Variants in PLCH1 observed in about 807,000 individuals in gnomAD.
PLCH1 encodes the protein phospholipase C eta 1.
PLCH1 carries 60 observed loss-of-function variants against 126.7 expected under a neutral mutation model. The observed-to-expected ratio is 0.47, with a 90% CI of 0.38 to 0.59. The LOEUF (loss-of-function observed/expected upper bound fraction) is 0.59, where lower values mean the gene tolerates loss of function less well. Among genes scored for constraint, PLCH1 ranks in the 20% least tolerant of loss-of-function variants. The pLI, the probability that PLCH1 is intolerant of heterozygous loss-of-function variation, is 0.00. For synonymous variants in PLCH1, 719 were observed against 734.9 expected (o/e 0.98, Z 0.35); for missense variants, 1,723 against 2,040.0 (o/e 0.84, Z 2.99).
chr3:155,569,313 T>C (rs1370659941), intron 6 of PLCH1, among the ~76,000 whole-genome samples: 8 of 152,310 alleles, frequency 5.3e-5, no homozygotes, highest in Non-Finnish European at 1.2e-4. Flanking sequence ...TTTAATTATA[T>C]TTTCTCAAAT....
chr3:155,596,511 A>G, intron 2 of PLCH1, 133 bp from the exon 3 acceptor site: 1 of 576,578 alleles, frequency 1.7e-6, no homozygotes, highest in Non-Finnish European at 2.9e-6. Context: ...TGGTAGAGGT[A>G]ATCTGAAAAG....
intron 8 of PLCH1, among the ~76,000 whole-genome samples, chr3:155,560,480 G>GC (rs1727422932): frequency 6.6e-6 from 1 of 152,122 alleles, no homozygotes; most frequent in South Asian, 2.1e-4. Flanking sequence ...TGTACTCTCT[G>GC]CAACTATTGC....
chr3:155,482,719 C>A lies in PLCH1; in HGVS notation c.3307G>T (p.Gly1103Cys). Residue 1103 changes from glycine (G) to cysteine (C), a missense_variant, in exon 23 of 23, where the codon GGT becomes TGT. Physicochemically the swap from Gly to Cys is radical, Grantham distance 159. Transcript: ENST00000460012. ...DLHGVKIKEK[G>C]NPEDFVEGKS... is the part of the protein sequence containing the mutation. ...CCTTCCACAAAGTCCTCAGGATTACCCTTTTCCTTGATTTTCACACCATGC... is the reference window on the plus strand; with the variant it reads ...CCTTCCACAAAGTCCTCAGGATTACACTTTTCCTTGATTTTCACACCATGC... 1 of 1,614,154 alleles carries A rather than the reference C, an allele frequency of 6.2e-7. No individual in the cohort carries two copies. Among genetic ancestry groups the A allele is most frequent in the South Asian group, 1.1e-5 (1 of 91,064 alleles).
chr3:155,674,302 G>A (rs183576421), intron 2 of PLCH1, among the ~76,000 whole-genome samples: 1 of 152,050 alleles, frequency 6.6e-6, no homozygotes, highest in Non-Finnish European at 1.5e-5. Flanking sequence ...GAGCAAACAT[G>A]GGCTTTATAC....
intron 2 of PLCH1, among the ~76,000 whole-genome samples, chr3:155,614,344 G>A (rs972609167): frequency 6.6e-5 from 10 of 151,848 alleles, no homozygotes; most frequent in African/African-American, 2.4e-4. Flanking sequence ...ACAAAAGCAA[G>A]ACTAAGTAGA....
rs1420830984 is a variant in PLCH1 at position 155,549,952 on chromosome 3, A to T, written c.1197T>A (p.Pro399=). 1.2e-6 allele frequency: 2 copies of T among 1,613,244 alleles called. No homozygotes were observed. Among genetic ancestry groups the T allele is most frequent in the African/African-American group, 2.7e-5 (2 of 75,036 alleles). Residue 399 remains proline, a synonymous_variant, in exon 10 of 23, where the codon CCT becomes CCA. Transcript: ENST00000460012. Reference sequence around the variant, plus strand: ...AGTGATTCTCGATAGACAATATAACAGGAAACCTGAGAAAAGAGCAACACA... The same window carrying T: ...AGTGATTCTCGATAGACAATATAACTGGAAACCTGAGAAAAGAGCAACACA... ...NKHAFVKNEF[P]VILSIENHCS... is the part of the protein sequence containing the mutation.
intron 2 of PLCH1, among the ~76,000 whole-genome samples, chr3:155,656,470 C>T (rs1181941360): frequency 6.6e-6 from 1 of 152,092 alleles, no homozygotes; most frequent in Non-Finnish European, 1.5e-5. Context: ...GAAATTTTTT[C>T]AGGAATGAGA....
intron 21 of PLCH1, among the ~76,000 whole-genome samples, chr3:155,454,616 T>C (rs1712392818): frequency 6.6e-6 from 1 of 152,212 alleles, no homozygotes; most frequent in Admixed American, 6.5e-5. Context: ...TATGGTAAGG[T>C]GTATTGAGGC....
At chr3:155,592,097 A>G (rs1402851536) in intron 4 of PLCH1, among the ~76,000 whole-genome samples, 1 of 150,872 alleles carries the variant, frequency 6.6e-6, no homozygotes, top group Non-Finnish European at 1.5e-5. Context: ...TTTAGGAATG[A>G]GGCAGCAATA....
At chr3:155,473,285 A>T (rs1713368020) in intron 21 of PLCH1, among the ~76,000 whole-genome samples, 1 of 151,928 alleles carries the variant, frequency 6.6e-6, no homozygotes, top group Non-Finnish European at 1.5e-5. Context: ...TACACCAATA[A>T]CAGACAGAGA....
intron 10 of PLCH1, among the ~76,000 whole-genome samples, chr3:155,529,390 T>G (rs200959996): frequency 1.2e-4 from 1 of 8,658 alleles, no homozygotes; most frequent in Admixed American, 1.0e-3. Flanking sequence ...TTACTATTTG[T>G]TTTTTTTTTT....
chr3:155,472,389 A>C (rs1335062566), intron 21 of PLCH1, among the ~76,000 whole-genome samples: 1 of 152,318 alleles, frequency 6.6e-6, no homozygotes, highest in African/African-American at 2.4e-5. Context: ...AAGAAGTTGA[A>C]TCTCTGAATA....
Position 155,639,092 on chromosome 3 carries a change from A to C in PLCH1, c.80-42714T>G, listed in dbSNP as rs558425132. The stretch of plus-strand genomic sequence containing the variant: ...CTAGTAAATATCGGTTAAATAAATG[A>C]GTAAATGAAAAAAATTGACAAGATA... On this transcript the variant is annotated intron_variant, in intron 2 of 22. Coordinates refer to ENST00000460012, the MANE Select transcript of PLCH1 (RefSeq NM_014996.4). 4.6e-5 allele frequency among the ~76,000 whole-genome samples: 7 copies of C among 152,246 alleles called. No individual in the cohort carries two copies. The East Asian group carries it at 1.4e-3, about 29-fold the overall frequency.
chr3:155,569,171 A>C (rs1295936292), intron 6 of PLCH1, among the ~76,000 whole-genome samples: 1 of 152,184 alleles, frequency 6.6e-6, no homozygotes, highest in Non-Finnish European at 1.5e-5. Flanking sequence ...TAATTTCTTT[A>C]ATTAAACAGC....
chr3:155,592,242 T>C (rs1577087602), intron 4 of PLCH1, among the ~76,000 whole-genome samples: 1 of 145,040 alleles, frequency 6.9e-6, no homozygotes, highest in South Asian at 2.2e-4. Context: ...CCCAGCACTT[T>C]GGGAGGCTGA....
At position 155,718,140 on chromosome 3, in the gene PLCH1, A is replaced by G. The variant is rs577685146; in HGVS notation, c.-40-13876T>C. Among the ~76,000 whole-genome samples, 6 of 152,264 alleles carry G rather than the reference A, an allele frequency of 3.9e-5. No individual in the cohort carries two copies. The South Asian group carries it at 8.3e-4, about 21-fold the overall frequency. ...CTAGGGCATGAACAGAATGCAGCCAAATTTTTTTCCTAAGGCATAACATGC... is the reference window on the plus strand; with the variant it reads ...CTAGGGCATGAACAGAATGCAGCCAGATTTTTTTCCTAAGGCATAACATGC... On this transcript the variant is annotated intron_variant, in intron 1 of 22. Transcript: ENST00000460012.
chr3:155,661,355 G>A (rs1742116129), intron 2 of PLCH1, among the ~76,000 whole-genome samples: 1 of 152,132 alleles, frequency 6.6e-6, no homozygotes, highest in African/African-American at 2.4e-5. Context: ...ATTTTGATTA[G>A]CCCATCTATA....
In PLCH1 at chr3:155,613,742, A is replaced by T. The variant is rs534282177; in HGVS notation, c.80-17364T>A. On this transcript the variant is annotated intron_variant, in intron 2 of 22. Transcript: ENST00000460012. Reference sequence around the variant, plus strand: ...AGCATTCTTCCTGAAAACTGGAACGAGACAAGGATGACCACTCCCACCACT... The same window carrying T: ...AGCATTCTTCCTGAAAACTGGAACGTGACAAGGATGACCACTCCCACCACT... Among the ~76,000 whole-genome samples the T allele has an allele frequency of 2.0e-5, 3 of 152,338 alleles. No individual in the cohort carries two copies. In the South Asian group the frequency reaches 6.2e-4, roughly 32 times the overall value.
Position 155,659,302 on chromosome 3 carries a change from CTTTTTTTTTTTTTTTTTTTTTTTTTTT to C in PLCH1, c.79+44817_79+44843del, listed in dbSNP as rs753258422. ...CCAGGCGTGAGATGTCTATTCACTT[CTTTTTTTTTTTTTTTTTTTTTTTTTTT>C]TTTTTTTTTTTTTTCCGAGATAGGG... On this transcript the variant is annotated intron_variant, in intron 2 of 22. Transcript: ENST00000460012. Among the ~76,000 whole-genome samples, 125 of 30,850 alleles carry C rather than the reference CTTTTTTTTTTTTTTTTTTTTTTTTTTT, an allele frequency of 4.1e-3. 6 individuals are homozygous for C. In the South Asian group the frequency reaches 0.13, roughly 32 times the overall value. 20.2% of individuals were successfully genotyped at this position (30,850 alleles called of 152,430 possible).
Sources: gnomAD v4.1 joint callset for allele counts (sites outside exome capture counted in the v4.1 genomes callset) on GRCh38, gnomAD v4.1.1 for gene constraint, MANE v1.5 for transcripts, NCBI Gene and HGNC (gene_info 2026-07-23, HGNC 2026-07-21) for gene names.